Variants in HK1 observed in about 807,000 individuals in gnomAD.
HK1 encodes hexokinase-1.
Under a neutral mutation model 91.6 loss-of-function variants are expected in HK1, and 28 were observed. The ratio of observed to expected loss-of-function variants is 0.31; its 90% CI spans 0.23 to 0.42. The LOEUF (loss-of-function observed/expected upper bound fraction) is 0.42. Among genes scored for constraint, HK1 ranks in the 10% least tolerant of loss-of-function variants. The pLI, the probability that HK1 is intolerant of heterozygous loss-of-function variation, is 1.00. For missense variants in HK1, 770 were observed against 1,219.8 expected (o/e 0.63, Z 5.49); for synonymous variants, 430 against 468.1 (o/e 0.92, Z 1.05).
chr10:69,357,670 C>T (rs1222197423), intron 2 of HK1, among the ~76,000 whole-genome samples: 1 of 152,090 alleles, frequency 6.6e-6, no homozygotes, highest in Non-Finnish European at 1.5e-5. Flanking sequence ...CCAGGTTGGT[C>T]TCAAACTCCT....
rs148472311 is a variant in HK1, at chr10:69,382,542, C to T, written c.1321C>T (p.Arg441Cys). Residue 441 changes from arginine (R) to cysteine (C), a missense_variant, in exon 10 of 18, where the codon CGC (arginine) becomes TGC (cysteine). Physicochemically the swap from Arg to Cys is radical, Grantham distance 180 (BLOSUM62 -3). This residue lies in a region of HK1 where 449 missense variants were observed against 665.1 expected (regional missense o/e 0.68). Coordinates refer to ENST00000359426, the MANE Select transcript of HK1 (RefSeq NM_000188.3). ...LRRLVPDSDV[R>C]FLLSESGSGK... ...GCGCTTGGTGCCAGACTCCGATGTG[C>T]GCTTCCTCCTCTCGGAGAGTGGCAG... 5 of 1,614,068 alleles carry T rather than the reference C, an allele frequency of 3.1e-6. No individual in the cohort carries two copies. The highest frequency in any genetic ancestry group is 1.7e-5 in the Admixed American group (1 of 60,006).
chr10:69,303,706 C>G (rs2132508851), intron 5 of HK1, among the ~76,000 whole-genome samples: 1 of 152,170 alleles, frequency 6.6e-6, no homozygotes, highest in African/African-American at 2.4e-5. Context: ...CTTGTAACCG[C>G]CCAACAGGTT....
At chr10:69,282,368 G>A (rs1844791407) in intron 1 of HK1, among the ~76,000 whole-genome samples, 1 of 152,194 alleles carries the variant, frequency 6.6e-6, no homozygotes, top group Non-Finnish European at 1.5e-5. Context: ...CTGTCTGAAT[G>A]TCAAGGGCAT....
In HK1 at chr10:69,379,874, C is replaced by T. The variant is rs757359794; in HGVS notation, c.1044C>T (p.Gly348=). The T allele has an allele frequency of 7.4e-6, 12 of 1,611,906 alleles. No individual in the cohort carries two copies. In the South Asian group the frequency reaches 9.9e-5, roughly 13 times the overall value. ...TCTAACTTCACAGGAATAAGGAAGGCCTCCACAATGCCAAAGAAATCCTGA... is the reference window on the plus strand; with the variant it reads ...TCTAACTTCACAGGAATAAGGAAGGTCTCCACAATGCCAAAGAAATCCTGA... ...DVSAIEKNKE[G]LHNAKEILTR... The change falls in exon 9 of 18, where the codon GGC becomes GGT. Residue 348 remains glycine, a synonymous_variant. Coordinates refer to ENST00000359426, the MANE Select transcript of HK1 (RefSeq NM_000188.3).
intron 1 of HK1, among the ~76,000 whole-genome samples, chr10:69,323,379 C>A (rs1339260975): frequency 1.3e-5 from 2 of 151,524 alleles, no homozygotes; most frequent in East Asian, 3.9e-4. Flanking sequence ...TTTTAGCCTG[C>A]TTTGGTGGCA....
rs1848443966 is a variant in HK1, at chr10:69,344,380, G to C, written c.226+391G>C. Among the ~76,000 whole-genome samples the C allele has an allele frequency of 2.0e-5, 3 of 152,096 alleles. 1 individual carries two copies. The South Asian group carries it at 6.2e-4, about 32-fold the overall frequency. Reference sequence around the variant, plus strand: ...ATGAAGAACTCCAGAACAAATGAAGGGTTCATTTTAGGGAAATCTCTCCAT... The same window carrying C: ...ATGAAGAACTCCAGAACAAATGAAGCGTTCATTTTAGGGAAATCTCTCCAT... On this transcript the variant is annotated intron_variant, in intron 2 of 17. Coordinates refer to ENST00000359426, the MANE Select transcript of HK1 (RefSeq NM_000188.3).
At position 69,369,329 on chromosome 10, in the gene HK1, G is replaced by C; in HGVS notation, c.684G>C (p.Leu228=). The part of the protein sequence containing the change: ...GYDDQHCEVG[L]IIGTGTNACY... ...ACGACCAGCACTGTGAAGTCGGCCT[G>C]ATCATCGGTAATGCATTCCCCTTTG... The change falls in exon 6 of 18, where the codon CTG becomes CTC. Residue 228 remains leucine, a synonymous_variant. Transcript: ENST00000359426. This position sits in a 1 kb window ranked among gnomAD's most constrained non-coding sequence, Gnocchi z 4.4. 6.2e-7 allele frequency: 1 copy of C among 1,614,140 alleles called. No homozygotes were observed. Among genetic ancestry groups the C allele is most frequent in the Non-Finnish European group, 8.5e-7 (1 of 1,179,966 alleles).
At chr10:69,394,252 G>A (rs115170568) in intron 15 of HK1, among the ~76,000 whole-genome samples, 2,544 of 152,342 alleles carry the variant, frequency 0.017, 74 homozygotes, top group African/African-American at 0.059. Context: ...CCAAGAACAG[G>A]TTGACCTCCA....
intron 10 of HK1, among the ~76,000 whole-genome samples, chr10:69,383,490 T>C (rs898613484): frequency 1.3e-5 from 2 of 152,236 alleles, no homozygotes; most frequent in Non-Finnish European, 2.9e-5. Flanking sequence ...GTCCTATGTG[T>C]AAGTTACCTA....
chr10:69,272,065 T>C (rs1241747680), intron 1 of HK1, among the ~76,000 whole-genome samples: 3 of 152,146 alleles, frequency 2.0e-5, no homozygotes, highest in South Asian at 2.1e-4. Context: ...GGTTTTGCCA[T>C]GTTGGCCAAG....
Position 69,374,564 on chromosome 10 carries a change from C to T in HK1, c.876-2370C>T, listed in dbSNP as rs193180212. Among the ~76,000 whole-genome samples, 161 of 152,316 alleles carry T rather than the reference C, an allele frequency of 1.1e-3. 1 individual carries two copies. The highest frequency in any genetic ancestry group is 6.8e-3 in the Middle Eastern group (2 of 294). ...ATTTCACTTGAGCAGATGGGAAGCA[C>T]GCTGTTGGAACAGGAGCCGGTCTCC... On this transcript the variant is annotated intron_variant, in intron 7 of 17. Transcript: ENST00000359426.
At chr10:69,326,789 T>C (rs191791353) in intron 1 of HK1, among the ~76,000 whole-genome samples, 1 of 152,220 alleles carries the variant, frequency 6.6e-6, no homozygotes, top group African/African-American at 2.4e-5. Flanking sequence ...ATCTCTGAGA[T>C]AGTTTGCTGC....
rs1237960761 is a variant in HK1, at chr10:69,376,999, C to T, written c.941C>T (p.Ala314Val). ...GTTCGACTGATCCTAGTCAAGATGGCCAAGGAGGGCCTCTTATTTGAAGGG... is the reference window on the plus strand; with the variant it reads ...GTTCGACTGATCCTAGTCAAGATGGTCAAGGAGGGCCTCTTATTTGAAGGG... ...ELVRLILVKM[A>V]KEGLLFEGRI... The change falls in exon 8 of 18, where the codon GCC becomes GTC. Residue 314 changes from alanine (A) to valine (V), a missense_variant. Physicochemically the swap from Ala to Val is moderately conservative, Grantham distance 64. This residue lies in a region of HK1 where 449 missense variants were observed against 665.1 expected (regional missense o/e 0.68). Coordinates refer to ENST00000359426, the MANE Select transcript of HK1 (RefSeq NM_000188.3). 6.2e-7 allele frequency: 1 copy of T among 1,614,158 alleles called. No homozygotes were observed. Among genetic ancestry groups the T allele is most frequent in the East Asian group, 2.2e-5 (1 of 44,886 alleles).
At chr10:69,324,885 T>C (rs1352734364) in intron 1 of HK1, among the ~76,000 whole-genome samples, 1 of 152,174 alleles carries the variant, frequency 6.6e-6, no homozygotes, top group African/African-American at 2.4e-5. Context: ...GTTGTGTTCA[T>C]TGTATTTGAT....
At chr10:69,379,587 G>A (rs1472007081) in intron 8 of HK1, among the ~76,000 whole-genome samples, 1 of 152,172 alleles carries the variant, frequency 6.6e-6, no homozygotes, top group Non-Finnish European at 1.5e-5. Flanking sequence ...CACCTGTTCA[G>A]AGGCCACATA....
exon 4 of HK1, chr10:69,295,645 G>A: frequency 6.2e-7 from 1 of 1,609,798 alleles, no homozygotes; most frequent in Non-Finnish European, 8.5e-7. Context: ...TACAGCAGCT[G>A]AAAAACCAAA....
chr10:69,284,435 A>G (rs1403684873), intron 2 of HK1, among the ~76,000 whole-genome samples: 5 of 152,176 alleles, frequency 3.3e-5, no homozygotes, highest in Non-Finnish European at 5.9e-5. Flanking sequence ...GGCAAAGTGG[A>G]AGTCAATTGA....
intron 2 of HK1, among the ~76,000 whole-genome samples, chr10:69,353,087 G>T (rs10998738): frequency 0.42 from 63,199 of 151,808 alleles, 13,595 homozygotes; most frequent in South Asian, 0.54. Context: ...TTGGGTGATA[G>T]GAGAGTCTCT....
intron 3 of HK1, among the ~76,000 whole-genome samples, chr10:69,361,840 G>T (rs565764587): frequency 4.6e-5 from 7 of 151,692 alleles, no homozygotes; most frequent in African/African-American, 1.5e-4. Context: ...TTTTTAAGAC[G>T]GAGTTTTACT....
Sources: allele counts gnomAD v4.1 joint callset (sites outside exome capture counted in the v4.1 genomes callset), GRCh38; gene constraint gnomAD v4.1.1; regional missense constraint gnomAD v4.1.1; non-coding constraint Gnocchi (gnomAD v3.1); transcripts MANE v1.5; gene names NCBI Gene and HGNC (gene_info 2026-07-23, HGNC 2026-07-21).